The following TRPM7 variants were observed in gnomAD, a reference collection of about 807,000 sequenced individuals.
TRPM7 encodes the protein transient receptor potential cation channel subfamily M member 7.
A neutral mutation model predicts 229.7 loss-of-function variants in TRPM7; 134 were observed. That is an observed-to-expected ratio of 0.58 (90% confidence interval 0.51 to 0.67). The LOEUF (loss-of-function observed/expected upper bound fraction) is 0.67, where lower values mean the gene tolerates loss of function less well. Among genes scored for constraint, TRPM7 ranks in the 30% least tolerant of loss-of-function variants. The pLI, the probability that TRPM7 is intolerant of heterozygous loss-of-function variation, is 0.00. For synonymous variants in TRPM7, 699 were observed against 715.2 expected, an observed-to-expected ratio of 0.98 and a Z score of 0.36; for missense variants, 1,901 against 2,210.0, an observed-to-expected ratio of 0.86 and a Z score of 2.80.
In TRPM7 at chr15:50,637,526, G is replaced by A; in HGVS notation, c.728C>T (p.Ser243Phe). The A allele has an allele frequency of 6.2e-7, 1 of 1,614,062 alleles. No homozygotes were observed. Among genetic ancestry groups the A allele is most frequent in the Non-Finnish European group, 8.5e-7 (1 of 1,180,006 alleles). The change falls in exon 7 of 39, where the codon TCC becomes TTC. Residue 243 changes from serine (S) to phenylalanine (F), a missense_variant. Around this residue, in one of 8 missense-constraint regions of TRPM7, gnomAD observed 794 missense variants for 881.9 expected, o/e 0.90. Transcript: ENST00000646667. ...SKLNVLNNLH[S>F]HFILVDDGTV... is the part of the protein sequence containing the mutation. ...GCCATCATCCACCAATATGAAATGGGAATGCAGATTATTCAAAACATTCAA... is the reference window on the plus strand; with the variant it reads ...GCCATCATCCACCAATATGAAATGGAAATGCAGATTATTCAAAACATTCAA...
In TRPM7 at chr15:50,608,041, C is replaced by T. The variant is rs559520815; in HGVS notation, c.2581-713G>A. The stretch of plus-strand genomic sequence containing the variant: ...TTGTACTCTAGCCTGGGCAACAGAG[C>T]GAGACTCTGTCAAAAAAAAAAAAAA... On this transcript the variant is annotated intron_variant, in intron 19 of 38. Coordinates refer to ENST00000646667, the MANE Select transcript of TRPM7 (RefSeq NM_017672.6). 9.4e-4 allele frequency among the ~76,000 whole-genome samples: 115 copies of T among 121,732 alleles called. 1 individual carries two copies. Among genetic ancestry groups the T allele is most frequent in the African/African-American group, 3.5e-3 (111 of 31,732 alleles). 79.9% of individuals were successfully genotyped at this position (121,732 alleles called of 152,430 possible).
chr15:50,593,505 T>C, intron 25 of TRPM7, 112 bp downstream of exon 25: 5 of 1,151,502 alleles, frequency 4.3e-6, no homozygotes, highest in Non-Finnish European at 6.2e-6. Context: ...TGTAAAACTG[T>C]AACTATGCTT....
At chr15:50,644,865 A>G (rs1280689965) in intron 4 of TRPM7, among the ~76,000 whole-genome samples, 1 of 150,978 alleles carries the variant, frequency 6.6e-6, no homozygotes, top group African/African-American at 2.4e-5. Flanking sequence ...AAAACTGAGT[A>G]GAAGACTGGA....
chr15:50,675,592 G>GTT (rs1380950678), intron 1 of TRPM7, among the ~76,000 whole-genome samples: 1 of 152,092 alleles, frequency 6.6e-6, no homozygotes, highest in Non-Finnish European at 1.5e-5. Context: ...AGTTTTTATA[G>GTT]TTTTTGAAAT....
intron 4 of TRPM7, among the ~76,000 whole-genome samples, chr15:50,646,680 A>T (rs192564041): frequency 1.3e-5 from 2 of 152,354 alleles, no homozygotes; most frequent in East Asian, 3.8e-4. Flanking sequence ...CTTAAGAGAA[A>T]TAAGTGCAGT....
At position 50,578,679 on chromosome 15, in the gene TRPM7, A is replaced by C; in HGVS notation, c.4593-15T>G. The stretch of plus-strand genomic sequence containing the variant: ...CTTCAGATGGCCTAAAGAAACACCA[A>C]AAAATATAGTATAAGCTGTGCTATG... On this transcript the variant is annotated splice_polypyrimidine_tract_variant and intron_variant, in intron 30 of 38. Transcript: ENST00000646667. 6.2e-7 allele frequency: 1 copy of C among 1,604,828 alleles called. No homozygotes were observed.
At chr15:50,604,695 T>A in intron 21 of TRPM7, 171 bp downstream of exon 21, 3 of 632,198 alleles carry the variant, frequency 4.7e-6, no homozygotes, top group Non-Finnish European at 5.4e-6. Flanking sequence ...GTATAGGGGA[T>A]TGGGATTGAG....
At position 50,643,550 on chromosome 15, in the gene TRPM7, C is replaced by A; in HGVS notation, c.325G>T (p.Val109Leu). ...GGSHSYRAKY[V>L]RLSYDTKPEV... ...GGTTTGGTGTCATATGATAGCCTCA[C>A]ATACTAGAAAAAGATTTTAAAAGGA... Residue 109 changes from valine to leucine, a missense_variant, in exon 5 of 39, where the codon GTG becomes TTG. Around this residue, in one of 8 missense-constraint regions of TRPM7, gnomAD observed 794 missense variants for 881.9 expected, o/e 0.90. Coordinates refer to ENST00000646667, the MANE Select transcript of TRPM7 (RefSeq NM_017672.6). 6.2e-7 allele frequency: 1 copy of A among 1,612,156 alleles called. No individual in the cohort carries two copies. Among genetic ancestry groups the A allele is most frequent in the South Asian group, 1.1e-5 (1 of 90,814 alleles).
Position 50,614,112 on chromosome 15 carries a change from AT to A in TRPM7, c.1635+10del. Reference sequence around the variant, plus strand: ...AGCATATATATAGATTTCCCCACAAATTTTACATACCCGATTATTTCCACCA... The same window carrying A: ...AGCATATATATAGATTTCCCCACAAATTTACATACCCGATTATTTCCACCA... On this transcript the variant is annotated intron_variant, in intron 14 of 38. Coordinates refer to ENST00000646667, the MANE Select transcript of TRPM7 (RefSeq NM_017672.6). 6.3e-7 allele frequency: 1 copy of A among 1,586,428 alleles called. No individual in the cohort carries two copies. The highest frequency in any genetic ancestry group is 8.5e-7 in the Non-Finnish European group (1 of 1,170,182).
At chr15:50,646,060 T>C (rs531498879) in intron 4 of TRPM7, among the ~76,000 whole-genome samples, 1 of 146,238 alleles carries the variant, frequency 6.8e-6, no homozygotes, top group East Asian at 2.0e-4. Context: ...GAGGTTGCAG[T>C]GAGCTGAGAT....
intron 4 of TRPM7, among the ~76,000 whole-genome samples, chr15:50,645,853 G>A (rs2061247271): frequency 6.6e-6 from 1 of 152,082 alleles, no homozygotes; most frequent in Non-Finnish European, 1.5e-5. Context: ...AATAACACCT[G>A]CTTGAATACA....
intron 25 of TRPM7, among the ~76,000 whole-genome samples, chr15:50,593,378 A>G (rs1303228039): frequency 6.6e-6 from 1 of 152,132 alleles, no homozygotes; most frequent in African/African-American, 2.4e-5. Flanking sequence ...TTCTCCCTCC[A>G]AACAGTAAAG....
At chr15:50,678,506 T>TAAAAA (rs10553093) in intron 1 of TRPM7, among the ~76,000 whole-genome samples, 8 of 128,730 alleles carry the variant, frequency 6.2e-5, no homozygotes, top group African/African-American at 2.4e-4. Context: ...TTCCATTCTT[T>TAAAAA]AAAAAAAAAA....
chr15:50,681,852 T>C (rs2062245135), intron 1 of TRPM7, among the ~76,000 whole-genome samples: 2 of 152,130 alleles, frequency 1.3e-5, no homozygotes, highest in Non-Finnish European at 2.9e-5. Flanking sequence ...AGGGAAAAGA[T>C]TATCATTTGC....
intron 38 of TRPM7, among the ~76,000 whole-genome samples, chr15:50,565,093 T>C (rs1221710766): frequency 6.6e-6 from 1 of 152,054 alleles, no homozygotes; most frequent in Admixed American, 6.6e-5. Context: ...GCAATTCGCC[T>C]GCCTCAGCCT....
chr15:50,675,968 T>C (rs2062084732), intron 1 of TRPM7, among the ~76,000 whole-genome samples: 1 of 152,196 alleles, frequency 6.6e-6, no homozygotes, highest in African/African-American at 2.4e-5. Context: ...TTTTGCTTCC[T>C]TACCTGTAAA....
At chr15:50,621,927 G>A (rs2060418737) in intron 12 of TRPM7, among the ~76,000 whole-genome samples, 2 of 152,078 alleles carry the variant, frequency 1.3e-5, no homozygotes, top group Non-Finnish European at 2.9e-5. Context: ...CAACTTGGGA[G>A]GCTGAGGCAG....
intron 6 of TRPM7, among the ~76,000 whole-genome samples, chr15:50,638,777 C>A (rs538442537): frequency 6.6e-6 from 1 of 152,132 alleles, no homozygotes; most frequent in Non-Finnish European, 1.5e-5. Flanking sequence ...CCTCTGCCTT[C>A]CAGTTTCAAG....
At chr15:50,655,440 AAAAAAAAC>A (rs1378762865) in intron 3 of TRPM7, among the ~76,000 whole-genome samples, 6 of 148,950 alleles carry the variant, frequency 4.0e-5, no homozygotes, top group Admixed American at 3.5e-4. Context: ...CTCAAAGGAA[AAAAAAAAC>A]AAAAAAACAA....
Sources: gnomAD v4.1 joint callset for allele counts (sites outside exome capture counted in the v4.1 genomes callset) on GRCh38, gnomAD v4.1.1 for gene constraint, gnomAD v4.1.1 regional missense constraint, MANE v1.5 for transcripts, NCBI Gene and HGNC (gene_info 2026-07-23, HGNC 2026-07-21) for gene names.